CUL5: variants seen among roughly 807,000 people sequenced by gnomAD.
CUL5 encodes cullin 5, also known as cullin-5.
In CUL5, 26 loss-of-function variants were observed where a neutral mutation model predicts 108.8. The observed-to-expected ratio is 0.24, with a 90% CI of 0.18 to 0.33. The LOEUF (loss-of-function observed/expected upper bound fraction) is 0.33, where lower values mean the gene tolerates loss of function less well. Among genes scored for constraint, CUL5 ranks in the 10% least tolerant of loss-of-function variants. The pLI, the probability that CUL5 is intolerant of heterozygous loss-of-function variation, is 1.00. For synonymous variants in CUL5, 334 were observed against 298.0 expected (o/e 1.12, Z -1.25); for missense variants, 524 against 909.2 (o/e 0.58, Z 5.45).
rs964243049 is a variant in CUL5, at chr11:108,105,160, ATAGG to A, written c.*782_*785del. 3 of 151,972 alleles carry A rather than the reference ATAGG, an allele frequency of 2.0e-5. No individual in the cohort carries two copies. The highest frequency in any genetic ancestry group is 4.8e-5 in the African/African-American group (2 of 41,356). The allele number at this position is 151,972 out of a possible 1,614,324, so 9.4% of individuals were successfully genotyped here. Reference sequence around the variant, plus strand: ...TCAATAGTTTAAAAAATTTATGGAGATAGGTAGGTCATTATGATTGCAGAGCCAA... The same window carrying A: ...TCAATAGTTTAAAAAATTTATGGAGATAGGTCATTATGATTGCAGAGCCAA... On this transcript the variant is annotated 3_prime_UTR_variant, in exon 19 of 19. Coordinates refer to ENST00000393094, the MANE Select transcript of CUL5 (RefSeq NM_003478.6).
intron 2 of CUL5, among the ~76,000 whole-genome samples, chr11:108,042,564 C>G (rs535197043): frequency 9.9e-5 from 15 of 151,924 alleles, no homozygotes; most frequent in African/African-American, 3.6e-4. Flanking sequence ...AAAATATCCT[C>G]TCTCCTATTT....
chr11:108,081,025 G>A lies in CUL5; in HGVS notation c.1178+2785G>A, dbSNP rs1438046510. Among the ~76,000 whole-genome samples, 10 of 151,594 alleles carry A rather than the reference G, an allele frequency of 6.6e-5. No homozygotes were observed. The East Asian group carries it at 7.8e-4, about 12-fold the overall frequency. ...TATAGGGCCGGGCACAGTGGCTCAC[G>A]CCTGTAATCCCAGCACTTTGGGAGG... On this transcript the variant is annotated intron_variant, in intron 11 of 18. Coordinates refer to ENST00000393094, the MANE Select transcript of CUL5 (RefSeq NM_003478.6).
chr11:108,069,560 T>C (rs1377150587), intron 7 of CUL5, among the ~76,000 whole-genome samples: 3 of 152,116 alleles, frequency 2.0e-5, no homozygotes, highest in East Asian at 1.9e-4. Flanking sequence ...ATTTTGTGTG[T>C]GTTTGTGTAT....
chr11:108,010,029 A>G (rs1862024817), intron 1 of CUL5, among the ~76,000 whole-genome samples: 1 of 152,266 alleles, frequency 6.6e-6, no homozygotes, highest in Non-Finnish European at 1.5e-5. Context: ...GGGCGCAGGA[A>G]AGTTACCTTG....
chr11:108,078,560 T>C (rs1421441835), intron 11 of CUL5, among the ~76,000 whole-genome samples: 1 of 152,164 alleles, frequency 6.6e-6, no homozygotes, highest in Non-Finnish European at 1.5e-5. Context: ...CATAATGTTA[T>C]AAAAAGAACT....
intron 7 of CUL5, among the ~76,000 whole-genome samples, chr11:108,067,839 G>A (rs1389831210): frequency 6.6e-6 from 1 of 152,146 alleles, no homozygotes; most frequent in African/African-American, 2.4e-5. Context: ...TATAGAATAA[G>A]ATTACTCAGC....
chr11:108,040,245 C>T (rs907333069), intron 2 of CUL5, among the ~76,000 whole-genome samples: 1 of 151,986 alleles, frequency 6.6e-6, no homozygotes, highest in Non-Finnish European at 1.5e-5. Flanking sequence ...TTTGGGAGGC[C>T]GAGGCTGGAG....
chr11:108,032,087 A>G lies in CUL5; in HGVS notation c.25-1715A>G, dbSNP rs573094025. ...TAATTGCTTAATCCTGGATAATGAA[A>G]TAATCTGTACAACAAATCCCCATGA... On this transcript the variant is annotated intron_variant, in intron 1 of 18. Coordinates refer to ENST00000393094, the MANE Select transcript of CUL5 (RefSeq NM_003478.6). 5.9e-5 allele frequency among the ~76,000 whole-genome samples: 9 copies of G among 152,328 alleles called. No individual in the cohort carries two copies. In the South Asian group the frequency reaches 1.9e-3, roughly 32 times the overall value.
At chr11:108,062,830 T>C (rs1676776699) in intron 7 of CUL5, among the ~76,000 whole-genome samples, 2 of 152,066 alleles carry the variant, frequency 1.3e-5, no homozygotes, top group South Asian at 4.1e-4. Context: ...TTATTCATTC[T>C]GTTTTTGTTT....
chr11:108,034,008 T>C, intron 2 of CUL5, 97 bp downstream of exon 2: 1 of 750,726 alleles, frequency 1.3e-6, no homozygotes, highest in South Asian at 1.7e-5. Context: ...TTTATCTGTT[T>C]ACCTATTAAA....
chr11:108,102,263 C>T (rs769347067), intron 18 of CUL5, among the ~76,000 whole-genome samples: 11 of 152,026 alleles, frequency 7.2e-5, no homozygotes, highest in South Asian at 2.1e-4. Context: ...CTCCTGACTT[C>T]GTAATCCGCT....
chr11:108,099,753 A>G (rs1864602824), intron 18 of CUL5, among the ~76,000 whole-genome samples: 1 of 152,168 alleles, frequency 6.6e-6, no homozygotes, highest in Admixed American at 6.5e-5. Flanking sequence ...CGCCTACCCC[A>G]GCTGATTCTT....
intron 1 of CUL5, among the ~76,000 whole-genome samples, chr11:108,021,460 T>A (rs1399428763): frequency 6.6e-6 from 1 of 152,132 alleles, no homozygotes; most frequent in Non-Finnish European, 1.5e-5. Flanking sequence ...AATAACAAAT[T>A]CTTTGTTTCC....
At chr11:108,057,228 A>G (rs1414318602) in intron 7 of CUL5, among the ~76,000 whole-genome samples, 1 of 152,092 alleles carries the variant, frequency 6.6e-6, no homozygotes, top group Non-Finnish European at 1.5e-5. Flanking sequence ...ACGTCTCACT[A>G]TGTTGGTAAG....
At chr11:108,078,483 T>G (rs918025182) in intron 11 of CUL5, among the ~76,000 whole-genome samples, 21 of 152,118 alleles carry the variant, frequency 1.4e-4, no homozygotes, top group Non-Finnish European at 2.9e-4. Context: ...TCTCTACTTG[T>G]TTTTCCCTCA....
chr11:108,041,186 C>G (rs1452078670), intron 2 of CUL5, among the ~76,000 whole-genome samples: 1 of 152,188 alleles, frequency 6.6e-6, no homozygotes, highest in Non-Finnish European at 1.5e-5. Context: ...GGGATCACAC[C>G]TACACCCAGC....
At chr11:108,072,592 A>G (rs1262295972) in intron 9 of CUL5, 130 bp downstream of exon 9, 5 of 630,752 alleles carry the variant, frequency 7.9e-6, no homozygotes, top group Admixed American at 3.1e-5. Context: ...TTAGTGGGGT[A>G]TAAAGTTATA....
At chr11:108,086,622 C>T (rs1395279743) in intron 11 of CUL5, among the ~76,000 whole-genome samples, 1 of 152,186 alleles carries the variant, frequency 6.6e-6, no homozygotes. Flanking sequence ...AGTATGGATA[C>T]TTTCAAGGGA....
chr11:108,088,700 A>C (rs746722518), intron 12 of CUL5, 41 bp downstream of exon 12: 1 of 1,499,884 alleles, frequency 6.7e-7, no homozygotes, highest in South Asian at 1.3e-5. Flanking sequence ...AAATTACCTT[A>C]CTTTGAATTT....
Sources: gnomAD v4.1 joint callset for allele counts (sites outside exome capture counted in the v4.1 genomes callset) on GRCh38, gnomAD v4.1.1 for gene constraint, MANE v1.5 for transcripts, NCBI Gene and HGNC (gene_info 2026-07-23, HGNC 2026-07-21) for gene names.